Variants in RSPH14 observed in about 807,000 individuals in gnomAD.
The protein encoded by RSPH14 is rhabdoid tumor deletion region gene 1.
Under a neutral mutation model 26.7 loss-of-function variants are expected in RSPH14, and 20 were observed. That is an observed-to-expected ratio of 0.75 (90% CI 0.53 to 1.09). The LOEUF (loss-of-function observed/expected upper bound fraction) is 1.09. Ranked by LOEUF, RSPH14 falls within the 50% of genes least tolerant of loss-of-function variation. RSPH14 has a pLI of 0.00. For synonymous variants in RSPH14, 177 were observed against 189.3 expected, an observed-to-expected ratio of 0.93 and a Z score of 0.53; for missense variants, 449 against 457.2, an observed-to-expected ratio of 0.98 and a Z score of 0.16.
the RSPH14 span, chr22:23,179,906 T>G: frequency 1.2e-5 from 3 of 256,466 alleles, no homozygotes; most frequent in Non-Finnish European, 2.2e-5. Context: ...CTGTGAGGTG[T>G]GAGGAACTTA....
chr22:23,157,796 G>T, the RSPH14 span, among the ~76,000 whole-genome samples: 1 of 152,196 alleles, frequency 6.6e-6, no homozygotes, highest in Admixed American at 6.5e-5. Context: ...GGGCTGCCGG[G>T]TGCAGGCTGG....
chr22:23,072,055 TG>T (rs1393287955), intron 4 of RSPH14, among the ~76,000 whole-genome samples: 1 of 152,054 alleles, frequency 6.6e-6, no homozygotes, highest in Non-Finnish European at 1.5e-5. Flanking sequence ...CCCCATGAGC[TG>T]GGGTGGGCCT....
rs745944052 is a variant in RSPH14 at position 23,140,243 on chromosome 22, T to G, written c.178A>C (p.Ile60Leu). The G allele has an allele frequency of 1.2e-6, 2 of 1,613,918 alleles. No individual in the cohort carries two copies. The highest frequency in any genetic ancestry group is 8.5e-7 in the Non-Finnish European group (1 of 1,180,032). Reference protein sequence around the residue: ...LCDLMHDPECIYKAMNIGCME... With the variant: ...LCDLMHDPECLYKAMNIGCME... ...TCACCTATGTTCATGGCCTTGTAGA[T>G]ACACTCGGGGTCATGCATGAGGTCA... Residue 60 changes from isoleucine (I) to leucine (L), a missense_variant, in exon 2 of 7, where the codon ATC becomes CTC. Transcript: ENST00000216036.
the RSPH14 span, chr22:23,160,947 C>G: frequency 3.7e-6 from 6 of 1,613,758 alleles, no homozygotes; most frequent in Non-Finnish European, 5.1e-6. Flanking sequence ...GCTGCAGGAC[C>G]TGGAGAGGCA....
chr22:23,129,074 A>G (rs2070247806), intron 4 of RSPH14, among the ~76,000 whole-genome samples: 1 of 152,176 alleles, frequency 6.6e-6, no homozygotes, highest in African/African-American at 2.4e-5. Context: ...ACACGCTGGT[A>G]AGAACAGAGC....
intron 4 of RSPH14, among the ~76,000 whole-genome samples, chr22:23,108,889 T>C (rs1462626733): frequency 6.6e-6 from 1 of 152,214 alleles, no homozygotes; most frequent in Non-Finnish European, 1.5e-5. Flanking sequence ...GCCATGCTCT[T>C]CTCTGTCCTT....
chr22:23,104,715 G>T (rs999365804), intron 4 of RSPH14, among the ~76,000 whole-genome samples: 2 of 151,512 alleles, frequency 1.3e-5, no homozygotes, highest in South Asian at 4.2e-4. Flanking sequence ...GTGTAGATGG[G>T]GGGATCTGCC....
At chr22:23,171,961 A>C in the RSPH14 span, among the ~76,000 whole-genome samples, 1 of 152,198 alleles carries the variant, frequency 6.6e-6, no homozygotes, top group Non-Finnish European at 1.5e-5. Context: ...CCAGTCCTCA[A>C]GCACCTGGTT....
At chr22:23,110,846 G>T (rs1003148194) in intron 4 of RSPH14, among the ~76,000 whole-genome samples, 1 of 152,310 alleles carries the variant, frequency 6.6e-6, no homozygotes, top group South Asian at 2.1e-4. Context: ...GGACCCAAGG[G>T]CCCACCACAC....
the RSPH14 span, chr22:23,179,736 C>A: frequency 5.0e-3 from 883 of 177,222 alleles, 2 homozygotes; most frequent in Non-Finnish European, 8.9e-3. Context: ...AGCAGATCCA[C>A]AACGTGAGAG....
intron 4 of RSPH14, among the ~76,000 whole-genome samples, chr22:23,107,101 T>A (rs2069505729): frequency 6.6e-6 from 1 of 152,192 alleles, no homozygotes; most frequent in Non-Finnish European, 1.5e-5. Flanking sequence ...CGGCAGCCTG[T>A]TATCTTGTTT....
chr22:23,064,020 G>C lies in RSPH14; in HGVS notation c.535C>G (p.Leu179Val). The C allele has an allele frequency of 1.9e-6, 3 of 1,614,202 alleles. No homozygotes were observed. Among genetic ancestry groups the C allele is most frequent in the Non-Finnish European group, 2.5e-6 (3 of 1,180,030 alleles). ...AGGGCCTCGGTGGCATCCTCCTGCA[G>C]GCAGAGGACCAGTGTGTCCAGGATG... Reference protein sequence around the residue: ...EFILDTLVLCLQEDATEALGS... With the variant: ...EFILDTLVLCVQEDATEALGS... Residue 179 changes from leucine (L) to valine (V), a missense_variant, in exon 5 of 7, where the codon CTG becomes GTG. Coordinates refer to ENST00000216036, the MANE Select transcript of RSPH14 (RefSeq NM_014433.3).
At chr22:23,093,779 C>A (rs2069050933) in intron 4 of RSPH14, among the ~76,000 whole-genome samples, 3 of 152,098 alleles carry the variant, frequency 2.0e-5, no homozygotes, top group Non-Finnish European at 4.4e-5. Flanking sequence ...AGGGTCTGAC[C>A]AAGGGAAAGA....
chr22:23,170,316 G>A, the RSPH14 span, among the ~76,000 whole-genome samples: 234 of 152,324 alleles, frequency 1.5e-3, 2 homozygotes, highest in African/African-American at 5.4e-3. Context: ...AGTCCCGGAG[G>A]CTGGAAGTTC....
intron 4 of RSPH14, among the ~76,000 whole-genome samples, chr22:23,091,642 A>G (rs117706500): frequency 2.6e-5 from 4 of 151,490 alleles, no homozygotes; most frequent in Non-Finnish European, 4.4e-5. Flanking sequence ...CTGCATACAC[A>G]CTGGCACCTA....
chr22:23,104,025 C>T (rs1396975076), intron 4 of RSPH14, among the ~76,000 whole-genome samples: 2 of 151,998 alleles, frequency 1.3e-5, no homozygotes, highest in East Asian at 1.9e-4. Context: ...GGGGCCTAGA[C>T]GTTGGGAGCA....
In RSPH14 at chr22:23,138,961, A is replaced by C. The variant is rs1219178647; in HGVS notation, c.200-19T>G. The C allele has an allele frequency of 3.4e-6, 5 of 1,459,586 alleles. No homozygotes were observed. The highest frequency in any genetic ancestry group is 2.9e-5 in the African/African-American group (2 of 68,850). The allele number at this position is 1,459,586 out of a possible 1,614,324, so 90.4% of individuals were successfully genotyped here. On this transcript the variant is annotated intron_variant, in intron 2 of 6. Coordinates refer to ENST00000216036, the MANE Select transcript of RSPH14 (RefSeq NM_014433.3). ...ATACAGCCTAGAAAAAAAAAAAAAAACAAACAAACCAACCCTTGAATTTTT... is the reference window on the plus strand; with the variant it reads ...ATACAGCCTAGAAAAAAAAAAAAAACCAAACAAACCAACCCTTGAATTTTT...
intron 4 of RSPH14, chr22:23,070,849 G>A (rs1601739407): frequency 6.6e-6 from 1 of 152,144 alleles, no homozygotes; most frequent in Non-Finnish European, 1.5e-5. Flanking sequence ...TGAGGACCCG[G>A]GAGGGTGGAC....
the RSPH14 span, among the ~76,000 whole-genome samples, chr22:23,171,014 C>A: frequency 6.6e-6 from 1 of 151,960 alleles, no homozygotes; most frequent in Non-Finnish European, 1.5e-5. Context: ...TGTCCCCAGG[C>A]TGGAGTGCAG....
Sources: allele counts gnomAD v4.1 joint callset (sites outside exome capture counted in the v4.1 genomes callset), GRCh38; gene constraint gnomAD v4.1.1; transcripts MANE v1.5; gene names NCBI Gene and HGNC (gene_info 2026-07-23, HGNC 2026-07-21).